Variants in GPC5 observed in about 807,000 individuals in gnomAD.
GPC5 encodes the protein glypican 5.
Under a neutral mutation model 53.9 loss-of-function variants are expected in GPC5, and 47 were observed. That is an observed-to-expected ratio of 0.87 (90% CI 0.69 to 1.11). The LOEUF is 1.11. GPC5 is among the 50% of genes most tolerant of loss of function. The pLI is 0.00. For missense variants in GPC5, 748 were observed against 713.1 expected, an observed-to-expected ratio of 1.05 and a Z score of -0.56; for synonymous variants, 286 against 263.3, an observed-to-expected ratio of 1.09 and a Z score of -0.84.
At chr13:91,986,700 A>G (rs1429961802) in intron 6 of GPC5, among the ~76,000 whole-genome samples, 4 of 152,202 alleles carry the variant, frequency 2.6e-5, no homozygotes, top group African/African-American at 9.6e-5. Flanking sequence ...ACTAGACCTA[A>G]GTTCCTTAAT....
intron 2 of GPC5, among the ~76,000 whole-genome samples, chr13:91,561,645 C>T (rs2031268466): frequency 6.6e-6 from 1 of 151,658 alleles, no homozygotes; most frequent in South Asian, 2.1e-4. Context: ...AATGTCTTTA[C>T]ACTTCTATCA....
intron 3 of GPC5, among the ~76,000 whole-genome samples, chr13:91,727,991 A>G (rs747403952): frequency 6.6e-6 from 1 of 152,186 alleles, no homozygotes; most frequent in Admixed American, 6.5e-5. Flanking sequence ...ACACCCTAAA[A>G]TTACACCAGA....
intron 6 of GPC5, among the ~76,000 whole-genome samples, chr13:91,959,763 AT>A (rs2040109679): frequency 6.6e-6 from 1 of 152,048 alleles, no homozygotes; most frequent in Non-Finnish European, 1.5e-5. Flanking sequence ...AGATATCATG[AT>A]TGAGTGGGAT....
At chr13:91,945,937 A>AT (rs1029135903) in intron 6 of GPC5, among the ~76,000 whole-genome samples, 1 of 151,964 alleles carries the variant, frequency 6.6e-6, no homozygotes, top group African/African-American at 2.4e-5. Flanking sequence ...CCCAGTGAGC[A>AT]TTTTTTAGAG....
Position 91,756,252 on chromosome 13 carries a change from G to A in GPC5, c.1155-43G>A, listed in dbSNP as rs746660945. On this transcript the variant is annotated intron_variant, in intron 4 of 7. Coordinates refer to ENST00000377067, the MANE Select transcript of GPC5 (RefSeq NM_004466.6). ...CATATCATTTTTGATGGCCTTTATTGTGGATGTTTGGTTTTAATTGTTTTC... is the reference window on the plus strand; with the variant it reads ...CATATCATTTTTGATGGCCTTTATTATGGATGTTTGGTTTTAATTGTTTTC... 8.4e-6 allele frequency: 12 copies of A among 1,428,940 alleles called. No individual in the cohort carries two copies. The Admixed American group carries it at 1.1e-4, about 13-fold the overall frequency. The allele number at this position is 1,428,940 out of a possible 1,614,324, so 88.5% of individuals were successfully genotyped here. A position where few individuals can be genotyped will look rare whatever the true frequency, so the allele number is the denominator to read the frequency against.
chr13:91,922,812 G>C (rs1317312628), intron 6 of GPC5, among the ~76,000 whole-genome samples: 4 of 152,110 alleles, frequency 2.6e-5, no homozygotes, highest in Admixed American at 6.5e-5. Flanking sequence ...ACCCTAAACT[G>C]TCTTTTCTAT....
chr13:91,970,861 G>A (rs1285682480), intron 6 of GPC5, among the ~76,000 whole-genome samples: 7 of 152,192 alleles, frequency 4.6e-5, no homozygotes, highest in Non-Finnish European at 1.0e-4. Context: ...TGCTGGATTC[G>A]GTTTGCCAGT....
intron 2 of GPC5, among the ~76,000 whole-genome samples, chr13:91,564,710 G>A (rs1472272748): frequency 6.6e-6 from 1 of 152,076 alleles, no homozygotes; most frequent in East Asian, 1.9e-4. Flanking sequence ...TGTAAATGGA[G>A]ATAAATGATA....
At chr13:91,757,734 G>C (rs927508091) in intron 5 of GPC5, among the ~76,000 whole-genome samples, 3 of 152,082 alleles carry the variant, frequency 2.0e-5, no homozygotes, top group Admixed American at 2.0e-4. Flanking sequence ...AAATCACCCA[G>C]TCTTGGGTAT....
At chr13:92,656,188 T>TG (rs1342460682) in intron 7 of GPC5, among the ~76,000 whole-genome samples, 4 of 151,496 alleles carry the variant, frequency 2.6e-5, no homozygotes, top group Non-Finnish European at 5.9e-5. Context: ...CAGGGCAGAG[T>TG]GGAAGGTAGT....
intron 1 of GPC5, among the ~76,000 whole-genome samples, chr13:91,442,085 A>AT (rs1330001510): frequency 6.6e-6 from 1 of 152,176 alleles, no homozygotes; most frequent in Non-Finnish European, 1.5e-5. Context: ...CCTTAAAAAT[A>AT]TTTTTTATTA....
At chr13:92,766,527 T>A (rs529183320) in intron 7 of GPC5, among the ~76,000 whole-genome samples, 29 of 152,300 alleles carry the variant, frequency 1.9e-4, no homozygotes, top group Admixed American at 1.8e-3. Flanking sequence ...AAGTCAACAA[T>A]GTTTCAGAGA....
intron 7 of GPC5, among the ~76,000 whole-genome samples, chr13:92,353,052 A>G (rs964259599): frequency 1.0e-3 from 157 of 151,878 alleles, no homozygotes; most frequent in African/African-American, 3.6e-3. Flanking sequence ...TGAGGTCAGG[A>G]GATCGAGACC....
chr13:92,250,953 C>G (rs1481641120), intron 7 of GPC5, among the ~76,000 whole-genome samples: 1 of 151,944 alleles, frequency 6.6e-6, no homozygotes, highest in East Asian at 1.9e-4. Flanking sequence ...ATCAGAAATC[C>G]AAGTTAAAAT....
At chr13:92,160,666 G>A (rs1454913964) in intron 7 of GPC5, among the ~76,000 whole-genome samples, 1 of 152,158 alleles carries the variant, frequency 6.6e-6, no homozygotes, top group Non-Finnish European at 1.5e-5. Context: ...GTGTCAGTGA[G>A]ATTACTATAT....
intron 2 of GPC5, among the ~76,000 whole-genome samples, chr13:91,614,270 A>G (rs1002419119): frequency 2.6e-5 from 4 of 152,142 alleles, no homozygotes; most frequent in African/African-American, 4.8e-5. Flanking sequence ...GAAAAGATGT[A>G]TGTTCTTTTG....
intron 5 of GPC5, among the ~76,000 whole-genome samples, chr13:91,835,788 A>C (rs1185718247): frequency 2.0e-5 from 3 of 152,058 alleles, no homozygotes; most frequent in African/African-American, 7.2e-5. Context: ...AATGTAGATG[A>C]AGGGTTGATG....
chr13:92,542,626 C>G (rs796285322), intron 7 of GPC5, among the ~76,000 whole-genome samples: 6 of 152,028 alleles, frequency 3.9e-5, no homozygotes, highest in African/African-American at 1.4e-4. Flanking sequence ...ATTGTCTTTT[C>G]CCTTCCAGAT....
intron 7 of GPC5, among the ~76,000 whole-genome samples, chr13:92,251,571 C>T (rs1209700536): frequency 6.6e-6 from 1 of 151,954 alleles, no homozygotes; most frequent in Non-Finnish European, 1.5e-5. Context: ...ATCATGGGAA[C>T]GAGCTAACTT....
Sources: gnomAD v4.1 joint callset for allele counts (sites outside exome capture counted in the v4.1 genomes callset) on GRCh38, gnomAD v4.1.1 for gene constraint, MANE v1.5 for transcripts, NCBI Gene and HGNC (gene_info 2026-07-23, HGNC 2026-07-21) for gene names.